Variants in CCDC50 observed in about 807,000 individuals in gnomAD.
CCDC50 encodes coiled-coil domain-containing protein 50.
A neutral mutation model predicts 70.2 loss-of-function variants in CCDC50; 54 were observed. The ratio of observed to expected loss-of-function variants is 0.77; its 90% CI spans 0.62 to 0.96. CCDC50 has a LOEUF of 0.96. Ranked by LOEUF, CCDC50 falls within the 50% of genes least tolerant of loss-of-function variation. The pLI is 0.00. For synonymous variants in CCDC50, 216 were observed against 198.8 expected (o/e 1.09, Z -0.73); for missense variants, 558 against 578.7 (o/e 0.96, Z 0.37).
chr3:191,374,759 A>G (rs1158742485), intron 5 of CCDC50, among the ~76,000 whole-genome samples: 1 of 152,178 alleles, frequency 6.6e-6, no homozygotes. Context: ...TAATGGCTAT[A>G]ATTTTGTTAT....
At chr3:191,370,341 T>A (rs1208112559) in intron 5 of CCDC50, 3 of 350,544 alleles carry the variant, frequency 8.6e-6, no homozygotes, top group African/African-American at 6.5e-5. Context: ...ATTAGGTATA[T>A]CGCCTAATGC....
At chr3:191,357,564 T>C (rs932967908) in intron 2 of CCDC50, among the ~76,000 whole-genome samples, 2 of 152,218 alleles carry the variant, frequency 1.3e-5, no homozygotes, top group African/African-American at 4.8e-5. Context: ...TTTTTTTCCA[T>C]GTGGTGATGA....
rs1320630883 is a variant in CCDC50, at chr3:191,375,447, G to T, written c.834G>T (p.Lys278Asn). The change falls in exon 6 of 12, where the codon AAG (lysine) becomes AAT (asparagine). Residue 278 changes from lysine to asparagine, a missense_variant. Physicochemically the swap from Lys to Asn is moderately conservative, Grantham distance 94. Transcript: ENST00000392455. ...QSRHQDRLSP[K>N]SSQKAGLHCK... Reference sequence around the variant, plus strand: ...GACACCAAGATCGACTTTCACCCAAGTCCTCACAAAAAGCAGGGCTTCACT... The same window carrying T: ...GACACCAAGATCGACTTTCACCCAATTCCTCACAAAAAGCAGGGCTTCACT... 6.2e-7 allele frequency: 1 copy of T among 1,613,628 alleles called. No individual in the cohort carries two copies. The highest frequency in any genetic ancestry group is 1.3e-5 in the African/African-American group (1 of 74,868).
At chr3:191,357,270 T>C in intron 2 of CCDC50, 120 bp downstream of exon 2, 1 of 785,152 alleles carries the variant, frequency 1.3e-6, no homozygotes, top group East Asian at 2.6e-5. Flanking sequence ...CATCCATACA[T>C]CCTGAAGGAT....
intron 1 of CCDC50, among the ~76,000 whole-genome samples, chr3:191,333,364 G>T (rs1332818807): frequency 6.6e-6 from 1 of 152,112 alleles, no homozygotes; most frequent in Non-Finnish European, 1.5e-5. Flanking sequence ...GACCTTCAAG[G>T]GGGAAAGATA....
intron 1 of CCDC50, among the ~76,000 whole-genome samples, chr3:191,333,713 CATT>C (rs142031127): frequency 0.052 from 7,890 of 152,144 alleles, 332 homozygotes; most frequent in East Asian, 0.19. Flanking sequence ...TGAATGAATA[CATT>C]ATTATTCTCT....
chr3:191,378,920 G>A (rs961815556), intron 6 of CCDC50, among the ~76,000 whole-genome samples: 3 of 152,028 alleles, frequency 2.0e-5, no homozygotes, highest in Admixed American at 6.6e-5. Flanking sequence ...ATACAGATGT[G>A]TATGAGTCTG....
At chr3:191,368,395 C>T (rs901100417) in intron 4 of CCDC50, among the ~76,000 whole-genome samples, 5 of 151,814 alleles carry the variant, frequency 3.3e-5, no homozygotes, top group South Asian at 2.1e-4. Flanking sequence ...CAAAAAAATA[C>T]GTATATATGT....
chr3:191,343,420 A>T (rs544116581), intron 1 of CCDC50, among the ~76,000 whole-genome samples: 7 of 152,366 alleles, frequency 4.6e-5, no homozygotes, highest in African/African-American at 1.4e-4. Flanking sequence ...AGTGTACTGC[A>T]GAAGTTACTG....
At position 191,381,160 on chromosome 3, in the gene CCDC50, CTTTAAG is replaced by C. The variant is rs765784129; in HGVS notation, c.1242+229_1242+234del. Among the ~76,000 whole-genome samples the C allele has an allele frequency of 3.7e-3, 566 of 152,166 alleles. 1 individual carries two copies. The highest frequency in any genetic ancestry group is 5.8e-3 in the Non-Finnish European group (393 of 67,984). On this transcript the variant is annotated intron_variant, in intron 9 of 11. Transcript: ENST00000392455. ...TAAGATTGAAAACTCATTCTGTTCC[CTTTAAG>C]ACGGAGTGAAATGCAAGTGCTTCTG...
chr3:191,356,743 C>T (rs1187176514), intron 1 of CCDC50, among the ~76,000 whole-genome samples: 3 of 152,120 alleles, frequency 2.0e-5, no homozygotes, highest in Non-Finnish European at 2.9e-5. Context: ...ATGACTGATA[C>T]GTCTGTTATT....
chr3:191,390,298 CAAA>C (rs1355729660), intron 11 of CCDC50, among the ~76,000 whole-genome samples: 1 of 151,728 alleles, frequency 6.6e-6, no homozygotes, highest in African/African-American at 2.4e-5. Flanking sequence ...AACTGTTATG[CAAA>C]AGAAAAATGG....
intron 5 of CCDC50, among the ~76,000 whole-genome samples, chr3:191,373,838 A>T (rs1275113697): frequency 6.6e-6 from 1 of 152,156 alleles, no homozygotes; most frequent in Admixed American, 6.6e-5. Flanking sequence ...CACAAGAGGA[A>T]ACAATTTGAG....
chr3:191,385,774 A>G (rs146410367), intron 10 of CCDC50, among the ~76,000 whole-genome samples: 1 of 152,102 alleles, frequency 6.6e-6, no homozygotes, highest in African/African-American at 2.4e-5. Context: ...TAAAATTTTT[A>G]TAGTTTAAGG....
chr3:191,343,562 T>C (rs528230658), intron 1 of CCDC50, among the ~76,000 whole-genome samples: 3 of 152,362 alleles, frequency 2.0e-5, no homozygotes, highest in South Asian at 4.1e-4. Context: ...TTTTTACTCA[T>C]CTTTATGATT....
chr3:191,348,956 T>C lies in CCDC50; in HGVS notation c.50-8132T>C, dbSNP rs1010219056. 4.2e-5 allele frequency among the ~76,000 whole-genome samples: 6 copies of C among 142,282 alleles called. 1 individual carries two copies. The highest frequency in any genetic ancestry group is 3.2e-5 in the Non-Finnish European group (2 of 63,102). The allele number at this position is 142,282 out of a possible 152,430, so 93.3% of individuals were successfully genotyped here. ...GAGCCTGAAAGTGAGAAATTTTAGC[T>C]ATCAGTGATCAGCAACTCAGAACTA... On this transcript the variant is annotated intron_variant, in intron 1 of 11. Coordinates refer to ENST00000392455, the MANE Select transcript of CCDC50 (RefSeq NM_178335.3).
intron 10 of CCDC50, among the ~76,000 whole-genome samples, chr3:191,385,916 C>CA (rs1713477769): frequency 6.6e-6 from 1 of 151,950 alleles, no homozygotes; most frequent in Non-Finnish European, 1.5e-5. Context: ...TCAACTTTGT[C>CA]AAAAATCCCT....
chr3:191,385,017 G>T (rs1341470860), intron 10 of CCDC50, among the ~76,000 whole-genome samples: 1 of 152,128 alleles, frequency 6.6e-6, no homozygotes, highest in African/African-American at 2.4e-5. Context: ...TTGTGGCTGT[G>T]TAGTAGTCTA....
At chr3:191,380,986 G>T in intron 9 of CCDC50, 54 bp downstream of exon 9, 1 of 1,397,702 alleles carries the variant, frequency 7.2e-7, no homozygotes, top group South Asian at 1.2e-5. Flanking sequence ...AAATGAAAAG[G>T]GGACTCTGCT....
Sources: gnomAD v4.1 joint callset for allele counts (sites outside exome capture counted in the v4.1 genomes callset) on GRCh38, gnomAD v4.1.1 for gene constraint, MANE v1.5 for transcripts, NCBI Gene and HGNC (gene_info 2026-07-23, HGNC 2026-07-21) for gene names.